Variants in BSPH1 observed in about 807,000 individuals in gnomAD.
The protein encoded by BSPH1 is binder of sperm protein homolog 1.
In BSPH1, 21 loss-of-function variants were observed where a neutral mutation model predicts 22.5. That is an observed-to-expected ratio of 0.93 (90% CI 0.66 to 1.35). The LOEUF is 1.35. Among genes scored for constraint, BSPH1 ranks in the 40% most tolerant of loss-of-function variants. BSPH1 has a pLI of 0.00. For synonymous variants in BSPH1, 42 were observed against 53.6 expected, an observed-to-expected ratio of 0.78 and a Z score of 0.95; for missense variants, 141 against 154.2, an observed-to-expected ratio of 0.91 and a Z score of 0.45.
At chr19:47,979,808 A>G (rs1969401617) in intron 2 of BSPH1, among the ~76,000 whole-genome samples, 1 of 152,102 alleles carries the variant, frequency 6.6e-6, no homozygotes, top group East Asian at 1.9e-4. Flanking sequence ...TTTATTCTAT[A>G]TAAATCCTAC....
intron 1 of BSPH1, among the ~76,000 whole-genome samples, chr19:47,985,743 G>A (rs1194151427): frequency 6.6e-6 from 1 of 151,274 alleles, no homozygotes; most frequent in Non-Finnish European, 1.5e-5. Flanking sequence ...GCTGAGGCAG[G>A]AGAATCACTT....
At chr19:47,974,931 C>T (rs1969347500) in intron 5 of BSPH1, among the ~76,000 whole-genome samples, 1 of 152,126 alleles carries the variant, frequency 6.6e-6, no homozygotes, top group African/African-American at 2.4e-5. Context: ...CTATACCCAT[C>T]CCTCTCATTG....
intron 5 of BSPH1, among the ~76,000 whole-genome samples, chr19:47,973,649 A>G (rs1238446900): frequency 6.6e-6 from 1 of 152,202 alleles, no homozygotes; most frequent in East Asian, 1.9e-4. Context: ...CCTTCCTTTC[A>G]GCCAGAAAAG....
At chr19:47,983,377 TTCC>T (rs1363967365) in intron 1 of BSPH1, among the ~76,000 whole-genome samples, 3 of 152,210 alleles carry the variant, frequency 2.0e-5, no homozygotes, top group African/African-American at 7.2e-5. Flanking sequence ...TCAGTATGCA[TTCC>T]ATAGTGAAAC....
At chr19:47,971,256 T>G (rs541412715) in intron 5 of BSPH1, among the ~76,000 whole-genome samples, 1 of 152,298 alleles carries the variant, frequency 6.6e-6, no homozygotes, top group South Asian at 2.1e-4. Flanking sequence ...CAGGCTGGAG[T>G]GCAGTGGCAT....
intron 5 of BSPH1, among the ~76,000 whole-genome samples, chr19:47,976,476 A>G (rs1239918618): frequency 6.6e-6 from 1 of 151,618 alleles, no homozygotes; most frequent in Non-Finnish European, 1.5e-5. Flanking sequence ...ACAGTTAGCA[A>G]TTAAAGTGCT....
chr19:47,974,269 CTTTTT>C (rs558434334), intron 5 of BSPH1, among the ~76,000 whole-genome samples: 2 of 75,994 alleles, frequency 2.6e-5, no homozygotes, highest in African/African-American at 5.4e-5. Flanking sequence ...CTCTCTCTCT[CTTTTT>C]TTTTTTTTTT....
intron 1 of BSPH1, among the ~76,000 whole-genome samples, chr19:47,990,823 G>A (rs1293964734): frequency 1.3e-5 from 2 of 151,904 alleles, no homozygotes; most frequent in African/African-American, 4.8e-5. Flanking sequence ...TTTGGAAAAG[G>A]AATAAAATCG....
intron 1 of BSPH1, among the ~76,000 whole-genome samples, chr19:47,989,110 T>TTTTTTATTATTA (rs565512241): frequency 1.4e-5 from 2 of 138,426 alleles, no homozygotes; most frequent in Admixed American, 7.3e-5. Context: ...AAGTCACCGT[T>TTTTTTATTATTA]TTATTATTAT....
chr19:47,979,378 T>G (rs1226148417), intron 3 of BSPH1, among the ~76,000 whole-genome samples, 192 bp downstream of exon 3: 1 of 152,202 alleles, frequency 6.6e-6, no homozygotes, highest in African/African-American at 2.4e-5. Flanking sequence ...AGTAGACACA[T>G]TTAGTGCTGA....
intron 1 of BSPH1, among the ~76,000 whole-genome samples, chr19:47,982,613 A>C (rs1341126067): frequency 6.6e-6 from 1 of 152,228 alleles, no homozygotes; most frequent in African/African-American, 2.4e-5. Context: ...GTATATATAC[A>C]AAATAATTGA....
intron 1 of BSPH1, among the ~76,000 whole-genome samples, chr19:47,983,227 A>G (rs1261494204): frequency 3.3e-5 from 5 of 152,196 alleles, no homozygotes; most frequent in Non-Finnish European, 7.3e-5. Flanking sequence ...GGAGTGGCTG[A>G]AATGGTAGAC....
intron 1 of BSPH1, among the ~76,000 whole-genome samples, chr19:47,983,323 T>C (rs779598275): frequency 7.9e-5 from 12 of 152,182 alleles, no homozygotes; most frequent in African/African-American, 2.2e-4. Context: ...CTCTGAAATA[T>C]GGGGATTATA....
intron 1 of BSPH1, among the ~76,000 whole-genome samples, chr19:47,986,556 T>G (rs985028752): frequency 6.6e-6 from 1 of 151,866 alleles, no homozygotes; most frequent in Non-Finnish European, 1.5e-5. Context: ...CTGGGCAACA[T>G]AGCAAGACCC....
At position 47,979,578 on chromosome 19, in the gene BSPH1, T is replaced by G. The variant is rs1207809799; in HGVS notation, c.116A>C (p.Glu39Ala). ...TTTTCTGATCGACTTACCTGTAACT[T>G]CTGGAAAATGAGTTATAGTTTCTGA... is the stretch of plus-strand genomic sequence containing the variant. ...STVETITHFP[E>A]VTDGECVFPF... The change falls in exon 3 of 6, where the codon GAA (glutamate) becomes GCA (alanine). Residue 39 changes from glutamate to alanine, a missense_variant. By Grantham distance (107) the Glu-to-Ala change is moderately radical. Transcript: ENST00000344839. The G allele has an allele frequency of 3.0e-6, 4 of 1,341,240 alleles. No homozygotes were observed. The highest frequency in any genetic ancestry group is 2.0e-6 in the Non-Finnish European group (2 of 988,534). 83.1% of individuals were successfully genotyped at this position (1,341,240 alleles called of 1,614,324 possible). A position where few individuals can be genotyped will look rare whatever the true frequency, so the allele number is the denominator to read the frequency against.
chr19:47,978,279 AT>A (rs1969387129), intron 3 of BSPH1, among the ~76,000 whole-genome samples: 1 of 151,734 alleles, frequency 6.6e-6, no homozygotes, highest in Non-Finnish European at 1.5e-5. Flanking sequence ...TAATTTTTAA[AT>A]TTTTTGTAGA....
chr19:47,978,130 A>G (rs1190564117), intron 3 of BSPH1, among the ~76,000 whole-genome samples: 2 of 151,488 alleles, frequency 1.3e-5, no homozygotes, highest in African/African-American at 4.8e-5. Context: ...TTAACACATC[A>G]CAGAAATCTT....
intron 1 of BSPH1, among the ~76,000 whole-genome samples, chr19:47,986,404 C>T (rs1366254): frequency 0.15 from 22,715 of 152,018 alleles, 1,993 homozygotes; most frequent in African/African-American, 0.21. Context: ...ACAGGAGAGC[C>T]GCGTGGCCTC....
At chr19:47,990,605 AT>A (rs1490677914) in intron 1 of BSPH1, among the ~76,000 whole-genome samples, 2 of 150,584 alleles carry the variant, frequency 1.3e-5, no homozygotes, top group African/African-American at 4.9e-5. Flanking sequence ...TTAAAAAAAA[AT>A]AGCAAGCAGT....
Sources: allele counts gnomAD v4.1 joint callset (sites outside exome capture counted in the v4.1 genomes callset), GRCh38; gene constraint gnomAD v4.1.1; transcripts MANE v1.5; gene names NCBI Gene and HGNC (gene_info 2026-07-23, HGNC 2026-07-21).